The following DPP6 variants were observed in gnomAD, a reference collection of about 807,000 sequenced individuals.
DPP6 encodes the protein dipeptidyl peptidase like 6, also known as A-type potassium channel modulatory protein DPP6.
DPP6 carries 69 observed loss-of-function variants against 122.6 expected under a neutral mutation model. The ratio of observed to expected loss-of-function variants is 0.56; its 90% CI spans 0.46 to 0.69. The LOEUF (loss-of-function observed/expected upper bound fraction) is 0.69. Ranked by LOEUF, DPP6 falls within the 30% of genes least tolerant of loss-of-function variation. DPP6 has a pLI of 0.00. For synonymous variants in DPP6, 418 were observed against 433.1 expected, an observed-to-expected ratio of 0.97 and a Z score of 0.43; for missense variants, 928 against 1,116.9, an observed-to-expected ratio of 0.83 and a Z score of 2.41.
intron 7 of DPP6, among the ~76,000 whole-genome samples, chr7:154,706,556 G>A (rs1249830621): frequency 1.3e-5 from 2 of 152,136 alleles, no homozygotes; most frequent in Non-Finnish European, 2.9e-5. Flanking sequence ...CACAGCCTTG[G>A]GCAGGGCCTG....
chr7:154,658,350 A>G (rs1036297232), intron 6 of DPP6, among the ~76,000 whole-genome samples: 2 of 152,214 alleles, frequency 1.3e-5, no homozygotes, highest in African/African-American at 2.4e-5. Flanking sequence ...TAAAAATATA[A>G]AGCTTATTAA....
chr7:153,989,528 T>C (rs1397224280), intron 1 of DPP6, among the ~76,000 whole-genome samples: 2 of 151,748 alleles, frequency 1.3e-5, no homozygotes, highest in African/African-American at 4.8e-5. Context: ...CTTGCCAAGG[T>C]ATGCCAGAAG....
chr7:154,510,370 A>C, intron 3 of DPP6, among the ~76,000 whole-genome samples: 1 of 152,220 alleles, frequency 6.6e-6, no homozygotes, highest in East Asian at 1.9e-4. Context: ...AATCATGCCA[A>C]GATGACCAAG....
At chr7:154,054,027 G>A (rs4726372) in intron 1 of DPP6, among the ~76,000 whole-genome samples, 86,994 of 144,300 alleles carry the variant, frequency 0.6, 26,259 homozygotes, top group South Asian at 0.7. Flanking sequence ...AAAAATCCCC[G>A]ACAGGCTCTC....
At chr7:154,784,224 C>T (rs1230383671) in intron 10 of DPP6, among the ~76,000 whole-genome samples, 1 of 152,158 alleles carries the variant, frequency 6.6e-6, no homozygotes, top group Non-Finnish European at 1.5e-5. Context: ...ACAACTTGCA[C>T]TGTGAACACG....
chr7:154,538,542 C>T (rs1488355193), intron 3 of DPP6, among the ~76,000 whole-genome samples: 3 of 151,992 alleles, frequency 2.0e-5, no homozygotes, highest in Non-Finnish European at 4.4e-5. Flanking sequence ...ACTTGGAACT[C>T]GTGAGGGGGT....
chr7:154,324,319 GT>G (rs900740317), intron 1 of DPP6, among the ~76,000 whole-genome samples: 146 of 152,284 alleles, frequency 9.6e-4, no homozygotes, highest in African/African-American at 3.3e-3. Context: ...TTTAATCAAA[GT>G]TGTGTTTGCT....
At chr7:154,548,583 C>A (rs79573317) in intron 4 of DPP6, among the ~76,000 whole-genome samples, 1,831 of 151,978 alleles carry the variant, frequency 0.012, 24 homozygotes, top group Non-Finnish European at 0.021. Flanking sequence ...ATCTTTCTGG[C>A]CCCAGAGCTA....
In DPP6 at chr7:154,406,412, G is replaced by A. The variant is rs530974837; in HGVS notation, c.244-39802G>A. Among the ~76,000 whole-genome samples, 7 of 136,546 alleles carry A rather than the reference G, an allele frequency of 5.1e-5. No homozygotes were observed. The South Asian group carries it at 1.8e-3, about 36-fold the overall frequency. The allele number at this position is 136,546 out of a possible 152,430, so 89.6% of individuals were successfully genotyped here. A position where few individuals can be genotyped will look rare whatever the true frequency, so the allele number is the denominator to read the frequency against. ...TTTGGGAAAAATTAGGAGTAGCCGG[G>A]GGATGCACACACGCATGCACACACA... On this transcript the variant is annotated intron_variant, in intron 1 of 25. Transcript: ENST00000377770.
At chr7:154,872,543 C>T (rs1804484579) in intron 18 of DPP6, 81 bp from the exon 19 acceptor site, 2 of 1,525,608 alleles carry the variant, frequency 1.3e-6, no homozygotes, top group Non-Finnish European at 1.8e-6. Context: ...CACCCTCACC[C>T]CCACGGTCAC....
At chr7:154,889,430 C>T in intron 24 of DPP6, 27 bp from the exon 25 acceptor site, 5 of 1,567,670 alleles carry the variant, frequency 3.2e-6, no homozygotes, top group South Asian at 1.2e-5. Flanking sequence ...ATGTCTTCCT[C>T]TCTTTTTTTT....
intron 1 of DPP6, among the ~76,000 whole-genome samples, chr7:154,063,816 G>A (rs1413789557): frequency 6.6e-6 from 1 of 151,662 alleles, no homozygotes; most frequent in Non-Finnish European, 1.5e-5. Flanking sequence ...CTAGAAGAAA[G>A]TTCAAATCTT....
upstream of DPP6, among the ~76,000 whole-genome samples, chr7:154,050,763 A>T (rs536975099): frequency 1.4e-5 from 2 of 146,440 alleles, no homozygotes; most frequent in South Asian, 4.5e-4. Flanking sequence ...AGCTGTTGCA[A>T]TCCTGGTTTT....
chr7:154,228,393 C>A (rs1800731851), intron 1 of DPP6, among the ~76,000 whole-genome samples: 1 of 152,130 alleles, frequency 6.6e-6, no homozygotes, highest in African/African-American at 2.4e-5. Context: ...TTATTTCACC[C>A]CAGCCACAAA....
chr7:153,846,300 T>A, the DPP6 span, among the ~76,000 whole-genome samples: 2 of 152,214 alleles, frequency 1.3e-5, no homozygotes, highest in African/African-American at 4.8e-5. Context: ...TCTTTACCAT[T>A]TCCTTATTGG....
At chr7:154,568,851 T>A (rs73729338) in intron 5 of DPP6, among the ~76,000 whole-genome samples, 5,298 of 152,156 alleles carry the variant, frequency 0.035, 311 homozygotes, top group African/African-American at 0.12. Context: ...AAATTGAAAA[T>A]GTAAAAAGTC....
chr7:154,828,640 GTAA>G (rs1217337145), intron 16 of DPP6, among the ~76,000 whole-genome samples: 2 of 152,162 alleles, frequency 1.3e-5, no homozygotes, highest in East Asian at 3.9e-4. Context: ...ACATGTTCTA[GTAA>G]TCGGTATATT....
In DPP6 at chr7:154,772,902, C is replaced by G. The variant is rs776841168; in HGVS notation, c.1096C>G (p.His366Asp). The change falls in exon 10 of 26, where the codon CAT becomes GAT. Residue 366 changes from histidine to aspartate, a missense_variant. Transcript: ENST00000377770. ...CGTTATTGGCTTAAATGGACCCACC[C>G]ATGATCTGGAGATGATGCCGCCTGA... ...LHVIGLNGPT[H>D]DLEMMPPDDP... 2 of 1,612,590 alleles carry G rather than the reference C, an allele frequency of 1.2e-6. No individual in the cohort carries two copies. The highest frequency in any genetic ancestry group is 1.7e-6 in the Non-Finnish European group (2 of 1,179,404).
intron 1 of DPP6, among the ~76,000 whole-genome samples, chr7:154,242,145 T>C (rs1023802054): frequency 6.6e-6 from 1 of 152,188 alleles, no homozygotes; most frequent in African/African-American, 2.4e-5. Flanking sequence ...CATTTGTGCA[T>C]ACCCCCGACT....
Sources: allele counts gnomAD v4.1 joint callset (sites outside exome capture counted in the v4.1 genomes callset), GRCh38; gene constraint gnomAD v4.1.1; transcripts MANE v1.5; gene names NCBI Gene and HGNC (gene_info 2026-07-23, HGNC 2026-07-21).